SATB2: variants seen among roughly 807,000 people sequenced by gnomAD.
The protein encoded by SATB2 is SATB homeobox 2.
Under a neutral mutation model 73.4 loss-of-function variants are expected in SATB2, and 1 was observed. The ratio of observed to expected loss-of-function variants is 0.01; its 90% CI spans 0.00 to 0.06. The LOEUF (loss-of-function observed/expected upper bound fraction) is 0.06, where lower values mean the gene tolerates loss of function less well. Among genes scored for constraint, SATB2 ranks in the 10% least tolerant of loss-of-function variants. The pLI, the probability that SATB2 is intolerant of heterozygous loss-of-function variation, is 1.00. For synonymous variants in SATB2, 397 were observed against 367.0 expected (o/e 1.08, Z -0.93); for missense variants, 459 against 945.8 (o/e 0.49, Z 6.75).
At chr2:199,289,947 G>A (rs1000883793) in intron 10 of SATB2, among the ~76,000 whole-genome samples, 5 of 152,192 alleles carry the variant, frequency 3.3e-5, no homozygotes, top group African/African-American at 1.2e-4. Flanking sequence ...CCTCCCAACA[G>A]GCCTCCCTGT....
intron 10 of SATB2, among the ~76,000 whole-genome samples, chr2:199,302,373 G>C (rs1241716761): frequency 1.3e-5 from 2 of 152,062 alleles, no homozygotes; most frequent in Non-Finnish European, 2.9e-5. Context: ...TAAAATTTTT[G>C]ACATGTTGAA....
chr2:199,352,050 T>C (rs1040709348), intron 6 of SATB2, among the ~76,000 whole-genome samples: 92 of 152,206 alleles, frequency 6.0e-4, no homozygotes, highest in Admixed American at 1.8e-3. Flanking sequence ...TTTTTGTATT[T>C]TTAGTAGAGA....
chr2:199,285,058 T>C (rs1011529457), intron 10 of SATB2, among the ~76,000 whole-genome samples: 4 of 152,150 alleles, frequency 2.6e-5, no homozygotes, highest in Admixed American at 1.3e-4. Context: ...AGGGGATGAC[T>C]GTGTATTATC....
intron 3 of SATB2, among the ~76,000 whole-genome samples, chr2:199,432,002 G>C (rs1691518250): frequency 6.6e-6 from 1 of 152,142 alleles, no homozygotes; most frequent in African/African-American, 2.4e-5. Flanking sequence ...TATGCAATTT[G>C]CTCAGGATCA....
At chr2:199,281,882 C>CTTT (rs10718338) in intron 10 of SATB2, among the ~76,000 whole-genome samples, 1 of 124,094 alleles carries the variant, frequency 8.1e-6, no homozygotes, top group African/African-American at 2.9e-5. Context: ...TATTCTCTCT[C>CTTT]TTTTTTTTTT....
chr2:199,348,417 G>T, intron 7 of SATB2: 1 of 393,002 alleles, frequency 2.5e-6, no homozygotes, highest in Non-Finnish European at 4.6e-6. Flanking sequence ...TAAATGGAGA[G>T]GATGAGAGAG....
chr2:199,283,493 C>T (rs1166373789), intron 10 of SATB2, among the ~76,000 whole-genome samples: 1 of 149,880 alleles, frequency 6.7e-6, no homozygotes, highest in Admixed American at 6.7e-5. Flanking sequence ...TGTTGCAAGC[C>T]AGCATTTCCC....
intron 10 of SATB2, among the ~76,000 whole-genome samples, chr2:199,295,420 G>GA (rs202192835): frequency 2.8e-3 from 399 of 140,220 alleles, no homozygotes; most frequent in East Asian, 1.0e-2. Flanking sequence ...GGTCTCTAAA[G>GA]AAAAAAAAAA....
At chr2:199,368,810 A>G in intron 5 of SATB2, 103 bp from the exon 6 acceptor site, 1 of 672,248 alleles carries the variant, frequency 1.5e-6, no homozygotes, top group Non-Finnish European at 2.6e-6. Context: ...TTTCTTTTAA[A>G]CTTAAAACAG....
chr2:199,319,979 A>G (rs1687841322), intron 9 of SATB2, among the ~76,000 whole-genome samples: 2 of 152,086 alleles, frequency 1.3e-5, no homozygotes, highest in South Asian at 2.1e-4. Flanking sequence ...ACAGGTTACT[A>G]TGTTTTCTCT....
At chr2:199,311,502 A>G (rs956716758) in intron 9 of SATB2, among the ~76,000 whole-genome samples, 15 of 152,142 alleles carry the variant, frequency 9.9e-5, no homozygotes, top group African/African-American at 3.6e-4. Context: ...ATAATAACCT[A>G]CAGAGCAGAA....
chr2:199,394,426 G>A (rs946285886), intron 3 of SATB2, among the ~76,000 whole-genome samples: 2 of 152,014 alleles, frequency 1.3e-5, no homozygotes, highest in African/African-American at 4.8e-5. Context: ...TATAAAACCC[G>A]GTAAGAAAGA....
intron 7 of SATB2, among the ~76,000 whole-genome samples, chr2:199,334,530 C>T (rs1423402894): frequency 2.6e-5 from 4 of 152,054 alleles, no homozygotes; most frequent in Non-Finnish European, 2.9e-5. Context: ...TCCACCCTGC[C>T]CCCGGATAAC....
intron 10 of SATB2, among the ~76,000 whole-genome samples, chr2:199,273,779 C>A (rs952959852): frequency 9.9e-5 from 15 of 151,744 alleles, no homozygotes; most frequent in African/African-American, 3.6e-4. Flanking sequence ...AATAATTTTT[C>A]TTTTATTTCT....
rs528224991 is a variant in SATB2, at chr2:199,433,628, T to A, written c.170-114A>T. The A allele has an allele frequency of 7.2e-4, 714 of 992,198 alleles. 1 individual carries two copies. Among genetic ancestry groups the A allele is most frequent in the Non-Finnish European group, 9.6e-4 (605 of 627,932 alleles). The allele number at this position is 992,198 out of a possible 1,614,324, so 61.5% of individuals were successfully genotyped here. ...GTCAGTCATCTGTGATCGACAGTGG[T>A]TTAGATTAAACAAGCCTCTTAGTCA... is the stretch of plus-strand genomic sequence containing the variant. On this transcript the variant is annotated intron_variant, in intron 2 of 10. Coordinates refer to ENST00000417098, the MANE Select transcript of SATB2 (RefSeq NM_001172509.2).
chr2:199,372,655 A>T (rs1331242728), intron 5 of SATB2, among the ~76,000 whole-genome samples: 1 of 152,168 alleles, frequency 6.6e-6, no homozygotes. Flanking sequence ...AAGAAGGGAG[A>T]CTAACGAATG....
chr2:199,354,129 G>C (rs1003269643), intron 6 of SATB2, among the ~76,000 whole-genome samples: 14 of 152,168 alleles, frequency 9.2e-5, no homozygotes, highest in Non-Finnish European at 1.3e-4. Flanking sequence ...AGGCCAAGGA[G>C]GGCGGATCAC....
chr2:199,315,044 G>A (rs977481893), intron 9 of SATB2, among the ~76,000 whole-genome samples: 5 of 151,984 alleles, frequency 3.3e-5, no homozygotes. Flanking sequence ...CTGGTAAAGT[G>A]CACACTTCAT....
chr2:199,450,679 T>C (rs1692097851), intron 2 of SATB2, among the ~76,000 whole-genome samples: 1 of 152,100 alleles, frequency 6.6e-6, no homozygotes, highest in Non-Finnish European at 1.5e-5. Flanking sequence ...GCCCTGTAAA[T>C]TTAACATGTC....
Sources: allele counts gnomAD v4.1 joint callset (sites outside exome capture counted in the v4.1 genomes callset), GRCh38; gene constraint gnomAD v4.1.1; transcripts MANE v1.5; gene names NCBI Gene and HGNC (gene_info 2026-07-23, HGNC 2026-07-21).